The following RBFOX2 variants were observed in gnomAD, a reference collection of about 807,000 sequenced individuals.
The protein encoded by RBFOX2 is RNA binding protein fox-1 homolog 2.
In RBFOX2, 10 loss-of-function variants were observed where a neutral mutation model predicts 49.1. That is an observed-to-expected ratio of 0.20 (90% CI 0.13 to 0.35). The LOEUF (loss-of-function observed/expected upper bound fraction) is 0.35, where lower values mean the gene tolerates loss of function less well. Ranked by LOEUF, RBFOX2 falls within the 10% of genes least tolerant of loss-of-function variation. The probability of loss-of-function intolerance (pLI) is 1.00; values close to 1 mark genes in which losing one functional copy is unlikely to be tolerated. For missense variants in RBFOX2, 323 were observed against 486.9 expected (o/e 0.66, Z 3.17); for synonymous variants, 183 against 187.4 (o/e 0.98, Z 0.19).
At chr22:35,746,511 G>A (rs774950489) in exon 10 of RBFOX2, 15 of 1,610,470 alleles carry the variant, frequency 9.3e-6, no homozygotes, top group Non-Finnish European at 1.7e-6. Flanking sequence ...CAGCAGCGGT[G>A]GCTGCGGTTG....
At position 36,005,517 on chromosome 22, in the gene RBFOX2, CA is replaced by C. The variant is rs536580699; in HGVS notation, c.186+22722del. Among the ~76,000 whole-genome samples, 351 of 152,178 alleles carry C rather than the reference CA, an allele frequency of 2.3e-3. 1 individual carries two copies. The highest frequency in any genetic ancestry group is 8.3e-3 in the African/African-American group (343 of 41,538). Reference sequence around the variant, plus strand: ...TGAGGACTGACAAATATTCTGAGGGCAAAAATTGCTCTGCAACAGAAGATAA... The same window carrying C: ...TGAGGACTGACAAATATTCTGAGGGCAAAATTGCTCTGCAACAGAAGATAA... On this transcript the variant is annotated intron_variant, in intron 1 of 13. Coordinates refer to the RBFOX2 transcript ENST00000438146.
At chr22:35,988,977 G>A (rs944639649) in intron 1 of RBFOX2, among the ~76,000 whole-genome samples, 22 of 152,180 alleles carry the variant, frequency 1.4e-4, no homozygotes, top group African/African-American at 4.8e-4. Flanking sequence ...ATCACCTGAC[G>A]TTATGAGTTC....
intron 1 of RBFOX2, among the ~76,000 whole-genome samples, chr22:35,976,999 A>G (rs981534079): frequency 1.3e-5 from 2 of 151,972 alleles, no homozygotes; most frequent in Admixed American, 1.3e-4. Flanking sequence ...AAGCAAATGA[A>G]CCACTCATTT....
chr22:35,877,656 T>C (rs2045313165), intron 1 of RBFOX2, among the ~76,000 whole-genome samples: 1 of 152,210 alleles, frequency 6.6e-6, no homozygotes, highest in Admixed American at 6.5e-5. Flanking sequence ...TGAGAAAGCA[T>C]GGTAACTTAT....
At chr22:35,788,460 A>C (rs1198302872) in intron 2 of RBFOX2, among the ~76,000 whole-genome samples, 1 of 152,228 alleles carries the variant, frequency 6.6e-6, no homozygotes, top group African/African-American at 2.4e-5. Context: ...AGAGAAAAAA[A>C]GCAAAATAGG....
rs1158936385 is a variant in RBFOX2 at position 35,821,602 on chromosome 22, C to CAAAAAAA, written c.28-11605_28-11599dup. On this transcript the variant is annotated intron_variant, in intron 1 of 11. Transcript: ENST00000405409. ...GGGGGACAGAGTGAGACTCCGTCTC[C>CAAAAAAA]AAAAAAAAAAAAAAAAAAAAAAAAA... 5.5e-4 allele frequency among the ~76,000 whole-genome samples: 20 copies of CAAAAAAA among 36,452 alleles called. 2 individuals are homozygous for CAAAAAAA. Among genetic ancestry groups the CAAAAAAA allele is most frequent in the Admixed American group, 1.1e-3 (2 of 1,900 alleles). 23.9% of individuals were successfully genotyped at this position (36,452 alleles called of 152,430 possible).
intron 1 of RBFOX2, among the ~76,000 whole-genome samples, chr22:35,930,403 A>G (rs542075266): frequency 2.0e-5 from 3 of 152,312 alleles, no homozygotes; most frequent in Non-Finnish European, 2.9e-5. Context: ...ACAAATATGT[A>G]AGACAGGCAA....
chr22:35,983,594 A>T (rs902147234), intron 1 of RBFOX2, among the ~76,000 whole-genome samples: 1 of 152,208 alleles, frequency 6.6e-6, no homozygotes, highest in Non-Finnish European at 1.5e-5. Flanking sequence ...TTGCAAATGG[A>T]GAATGACCCA....
chr22:35,984,737 A>G (rs573630725), intron 1 of RBFOX2, among the ~76,000 whole-genome samples: 1 of 152,312 alleles, frequency 6.6e-6, no homozygotes, highest in African/African-American at 2.4e-5. Context: ...CCAGCCCGAA[A>G]GAAGCACAAG....
intron 1 of RBFOX2, among the ~76,000 whole-genome samples, chr22:35,924,604 C>T (rs1603449244): frequency 1.3e-5 from 2 of 152,186 alleles, no homozygotes; most frequent in Admixed American, 6.6e-5. Context: ...GCAATAAAAA[C>T]CTAGTGAAAG....
At chr22:35,961,612 T>A (rs775383102) in exon 1 of RBFOX2, 1 of 1,304,038 alleles carries the variant, frequency 7.7e-7, no homozygotes, top group African/African-American at 1.5e-5. Context: ...CATCACTCTC[T>A]CTTCCTTCCT....
intron 1 of RBFOX2, among the ~76,000 whole-genome samples, chr22:36,024,894 G>A (rs886271119): frequency 1.3e-5 from 2 of 151,752 alleles, no homozygotes; most frequent in South Asian, 2.1e-4. Flanking sequence ...TGCAACCTCC[G>A]CCTCCCGAGT....
At position 35,794,356 on chromosome 22, in the gene RBFOX2, T is replaced by C. The variant is rs182171888; in HGVS notation, c.253-12610A>G. ...CACTGACCTCAGCTGTAAAAGAAGA[T>C]GCTTTTAAAAATGCTTTTTAGGCCG... On this transcript the variant is annotated intron_variant, in intron 2 of 11. Transcript: ENST00000405409. 1.1e-3 allele frequency among the ~76,000 whole-genome samples: 161 copies of C among 152,274 alleles called. 1 individual carries two copies. The highest frequency in any genetic ancestry group is 9.1e-3 in the Admixed American group (139 of 15,286).
chr22:35,831,661 T>A (rs569156100), intron 1 of RBFOX2, among the ~76,000 whole-genome samples: 1 of 152,328 alleles, frequency 6.6e-6, no homozygotes, highest in African/African-American at 2.4e-5. Flanking sequence ...TTGTTTACTA[T>A]CTGGCCCTTT....
chr22:35,931,791 G>A (rs1246985370), intron 1 of RBFOX2, among the ~76,000 whole-genome samples: 4 of 152,056 alleles, frequency 2.6e-5, no homozygotes, highest in African/African-American at 7.2e-5. Flanking sequence ...ATAAAGGCAT[G>A]AGGTTTCTTT....
intron 1 of RBFOX2, among the ~76,000 whole-genome samples, chr22:35,883,991 T>C (rs1402460150): frequency 2.7e-5 from 4 of 147,874 alleles, no homozygotes; most frequent in Middle Eastern, 3.4e-3. Flanking sequence ...CCAAAATCTG[T>C]AGTTATCTCT....
At chr22:35,969,121 A>T (rs937323684) in intron 1 of RBFOX2, among the ~76,000 whole-genome samples, 1 of 152,146 alleles carries the variant, frequency 6.6e-6, no homozygotes, top group African/African-American at 2.4e-5. Context: ...AGCCCCTCAT[A>T]CACTCTCCTT....
intron 5 of RBFOX2, among the ~76,000 whole-genome samples, chr22:35,766,710 G>C (rs187716655): frequency 6.6e-6 from 1 of 152,306 alleles, no homozygotes; most frequent in African/African-American, 2.4e-5. Flanking sequence ...ATTTTGGAAA[G>C]AGGGGAGAAA....
chr22:35,776,906 TG>T (rs1944047782), intron 4 of RBFOX2, among the ~76,000 whole-genome samples: 2 of 152,108 alleles, frequency 1.3e-5, no homozygotes, highest in African/African-American at 2.4e-5. Flanking sequence ...ACAACACCAC[TG>T]TAAGTCTTTG....
Sources: allele counts gnomAD v4.1 joint callset (sites outside exome capture counted in the v4.1 genomes callset), GRCh38; gene constraint gnomAD v4.1.1; transcripts MANE v1.5; gene names NCBI Gene and HGNC (gene_info 2026-07-23, HGNC 2026-07-21).